The following PON3 variants were observed in gnomAD, a reference collection of about 807,000 sequenced individuals.
PON3 encodes serum paraoxonase/lactonase 3.
PON3 carries 37 observed loss-of-function variants against 36.3 expected under a neutral mutation model. The ratio of observed to expected loss-of-function variants is 1.02; its 90% CI spans 0.78 to 1.34. PON3 has a LOEUF of 1.34. PON3 is among the 40% of genes most tolerant of loss of function. PON3 has a pLI of 0.00. For missense variants in PON3, 415 were observed against 426.5 expected, an observed-to-expected ratio of 0.97 and a Z score of 0.24; for synonymous variants, 155 against 154.8, an observed-to-expected ratio of 1.00 and a Z score of -0.01.
At chr7:95,376,421 A>G (rs1808914228) in intron 3 of PON3, among the ~76,000 whole-genome samples, 1 of 152,208 alleles carries the variant, frequency 6.6e-6, no homozygotes, top group Non-Finnish European at 1.5e-5. Context: ...AAGAAAGGGT[A>G]AAAGGAGAAA....
At position 95,362,422 on chromosome 7, in the gene PON3, T is replaced by A. The variant is rs781460190; in HGVS notation, c.846A>T (p.Gly282=). The A allele has an allele frequency of 3.1e-6, 5 of 1,613,670 alleles. No homozygotes were observed. In the African/African-American group the frequency reaches 5.3e-5, roughly 17 times the overall value. Residue 282 remains glycine, a synonymous_variant, in exon 8 of 9, where the codon GGA becomes GGT. Coordinates refer to ENST00000265627, the MANE Select transcript of PON3 (RefSeq NM_000940.3). ...VDPATGDILA[G]CHPNPMKLLN... ...GTAGCTTCATAGGATTAGGATGGCATCCTGCCAAAATGTCTCCTGTGGCAG... is the reference window on the plus strand; with the variant it reads ...GTAGCTTCATAGGATTAGGATGGCAACCTGCCAAAATGTCTCCTGTGGCAG...
rs75739590 is a variant in PON3 at position 95,395,558 on chromosome 7, G to A, written c.74+719C>T. 4.2e-3 allele frequency among the ~76,000 whole-genome samples: 637 copies of A among 152,278 alleles called. 7 individuals carry two copies. Among genetic ancestry groups the A allele is most frequent in the African/African-American group, 0.014 (594 of 41,560 alleles). On this transcript the variant is annotated intron_variant, in intron 1 of 8. Transcript: ENST00000265627. ...GATTCTAGACGTGATCCTCTAAGAA[G>A]ACCAGCTTCAACTAAGAGAAATACA...
chr7:95,382,794 T>C (rs1809092090), intron 3 of PON3, among the ~76,000 whole-genome samples: 1 of 152,194 alleles, frequency 6.6e-6, no homozygotes. Flanking sequence ...GCTGGTACCA[T>C]TCTTCCTAAA....
intron 3 of PON3, among the ~76,000 whole-genome samples, chr7:95,375,324 G>A (rs942520303): frequency 5.4e-5 from 8 of 149,270 alleles, no homozygotes; most frequent in Non-Finnish European, 1.2e-4. Context: ...GTATGTGTGT[G>A]TATATATGTA....
intron 3 of PON3, among the ~76,000 whole-genome samples, chr7:95,385,439 AAG>A (rs1179415277): frequency 1.3e-5 from 2 of 152,168 alleles, no homozygotes; most frequent in Admixed American, 1.3e-4. Context: ...GAGACCTGCC[AAG>A]AGACTTAGAC....
intron 3 of PON3, among the ~76,000 whole-genome samples, chr7:95,385,616 G>A (rs1809171642): frequency 6.6e-6 from 1 of 152,066 alleles, no homozygotes. Flanking sequence ...CACAATATAT[G>A]TTCTTCTCAG....
At chr7:95,374,920 T>C (rs1447129402) in intron 3 of PON3, among the ~76,000 whole-genome samples, 3 of 152,180 alleles carry the variant, frequency 2.0e-5, no homozygotes, top group African/African-American at 4.8e-5. Flanking sequence ...GCAGATCTTA[T>C]ACATAAAGAT....
Position 95,359,988 on chromosome 7 carries a change from C to T in PON3, c.1050G>A (p.Leu350=). ...ILIGTVFHKT[L]YCEL ...TATCTAGAGTCTAGAGCTCACAGTA[C>T]AGAGTTTTGTGAAATACGGTGCCTA... The change falls in exon 9 of 9, where the codon CTG becomes CTA. Residue 350 remains leucine (L), a synonymous_variant. Transcript: ENST00000265627. 2 of 1,602,508 alleles carry T rather than the reference C, an allele frequency of 1.2e-6. No homozygotes were observed. The highest frequency in any genetic ancestry group is 1.7e-6 in the Non-Finnish European group (2 of 1,174,168).
intron 6 of PON3, chr7:95,363,427 G>T (rs1234293609): frequency 4.9e-6 from 1 of 205,060 alleles, no homozygotes; most frequent in Non-Finnish European, 1.0e-5. Context: ...GCTGTTGTAA[G>T]TCAGTAGGTC....
At chr7:95,371,990 A>G (rs558449024) in intron 4 of PON3, among the ~76,000 whole-genome samples, 183 bp downstream of exon 4, 1 of 152,256 alleles carries the variant, frequency 6.6e-6, no homozygotes, top group South Asian at 2.1e-4. Flanking sequence ...GGCCAAAAAT[A>G]CTAGTGTTCC....
At position 95,360,186 on chromosome 7, in the gene PON3, G is replaced by C. The variant is rs1167075439; in HGVS notation, c.907-55C>G. On this transcript the variant is annotated intron_variant, in intron 8 of 8. Transcript: ENST00000265627. ...TTATGTGAGTAAACACCTGTTTCATGATGTCCTTCCCAAACATTCTAGGAT... is the reference window on the plus strand; with the variant it reads ...TTATGTGAGTAAACACCTGTTTCATCATGTCCTTCCCAAACATTCTAGGAT... 2.7e-6 allele frequency: 4 copies of C among 1,459,690 alleles called. No homozygotes were observed. In the African/African-American group the frequency reaches 4.2e-5, roughly 15 times the overall value. The allele number at this position is 1,459,690 out of a possible 1,614,324, so 90.4% of individuals were successfully genotyped here. A position where few individuals can be genotyped will look rare whatever the true frequency, so the allele number is the denominator to read the frequency against.
chr7:95,364,809 C>G (rs1808655661), intron 5 of PON3: 1 of 152,126 alleles, frequency 6.6e-6, no homozygotes, highest in Non-Finnish European at 1.5e-5. Context: ...GGGTGATATT[C>G]TTTCTTACGT....
chr7:95,392,145 G>A (rs1219734633), intron 2 of PON3, among the ~76,000 whole-genome samples: 5 of 152,182 alleles, frequency 3.3e-5, no homozygotes, highest in Non-Finnish European at 7.3e-5. Context: ...CCAGGCCTTT[G>A]ATAAAGCAGC....
At chr7:95,377,289 A>C (rs917071458) in intron 3 of PON3, among the ~76,000 whole-genome samples, 2 of 152,162 alleles carry the variant, frequency 1.3e-5, no homozygotes, top group African/African-American at 2.4e-5. Flanking sequence ...AGAGCCCACC[A>C]CAGCTCAGCA....
chr7:95,376,322 C>A (rs1199808122), intron 3 of PON3, among the ~76,000 whole-genome samples: 2 of 152,178 alleles, frequency 1.3e-5, no homozygotes, highest in African/African-American at 4.8e-5. Context: ...AAGAAAATAT[C>A]CTGTTTGTCA....
chr7:95,394,931 C>T (rs1809396518), intron 1 of PON3, among the ~76,000 whole-genome samples: 2 of 152,072 alleles, frequency 1.3e-5, no homozygotes, highest in African/African-American at 4.8e-5. Context: ...CCAGTTATTG[C>T]TGAAAAACTG....
intron 3 of PON3, among the ~76,000 whole-genome samples, chr7:95,377,313 T>C (rs1808941962): frequency 6.6e-6 from 1 of 152,172 alleles, no homozygotes; most frequent in Non-Finnish European, 1.5e-5. Flanking sequence ...CCTACTGCCT[T>C]GCTGTAGATT....
chr7:95,375,080 C>G (rs1260116931), intron 3 of PON3, among the ~76,000 whole-genome samples: 3 of 152,006 alleles, frequency 2.0e-5, no homozygotes, highest in African/African-American at 7.3e-5. Flanking sequence ...CGAATCCATC[C>G]TCTCATTTAT....
intron 3 of PON3, among the ~76,000 whole-genome samples, chr7:95,373,953 T>C (rs969833321): frequency 4.6e-5 from 7 of 152,106 alleles, no homozygotes; most frequent in African/African-American, 1.7e-4. Flanking sequence ...TTCTGTAAGA[T>C]CAGCAGTGGC....
Sources: gnomAD v4.1 joint callset for allele counts (sites outside exome capture counted in the v4.1 genomes callset) on GRCh38, gnomAD v4.1.1 for gene constraint, MANE v1.5 for transcripts, NCBI Gene and HGNC (gene_info 2026-07-23, HGNC 2026-07-21) for gene names.